The following CENPI variants were observed in gnomAD, a reference collection of about 807,000 sequenced individuals.
The protein encoded by CENPI is centromere protein I, also known as FSH primary response 1.
In CENPI, 4 loss-of-function variants were observed where a neutral mutation model predicts 60.4. That is an observed-to-expected ratio of 0.07 (90% CI 0.03 to 0.15). The LOEUF (loss-of-function observed/expected upper bound fraction) is 0.15, where lower values mean the gene tolerates loss of function less well. Ranked by LOEUF, CENPI falls within the 10% of genes least tolerant of loss-of-function variation. The pLI, the probability that CENPI is intolerant of heterozygous loss-of-function variation, is 1.00. For missense variants in CENPI, 444 were observed against 534.5 expected (o/e 0.83, Z 1.67); for synonymous variants, 157 against 189.4 (o/e 0.83, Z 1.40).
chrX:101,109,875 T>G lies in CENPI; in HGVS notation c.484-16T>G, dbSNP rs192635511. The G allele has an allele frequency of 2.7e-6, 3 of 1,112,394 alleles. No individual in the cohort carries two copies. In the Admixed American group the frequency reaches 6.7e-5, roughly 25 times the overall value. 91.7% of individuals were successfully genotyped at this position (1,112,394 alleles called of 1,213,427 possible). A position where few individuals can be genotyped will look rare whatever the true frequency, so the allele number is the denominator to read the frequency against. ...GTTATATTTCTTTAAAGATAAGTAT[T>G]TTGTCTCTTCAATAGGTACTTTTTT... On this transcript the variant is annotated splice_polypyrimidine_tract_variant and intron_variant, in intron 5 of 21. Transcript: ENST00000682095.
At chrX:101,113,435 G>T (rs1205634146) in intron 6 of CENPI, among the ~76,000 whole-genome samples, 1 of 108,499 alleles carries the variant, frequency 9.2e-6, no homozygotes, top group African/African-American at 3.4e-5. Context: ...TCAAGCCTCA[G>T]CCTCCCAAGT....
chrX:101,154,687 T>C (rs767459783), intron 20 of CENPI, among the ~76,000 whole-genome samples: 1 of 112,209 alleles, frequency 8.9e-6, no homozygotes, highest in East Asian at 2.8e-4. Flanking sequence ...ATATTAAGTC[T>C]TCCAATGCAT....
chrX:101,156,592 C>T (rs898594403), intron 20 of CENPI, among the ~76,000 whole-genome samples: 2 of 109,928 alleles, frequency 1.8e-5, no homozygotes, highest in Non-Finnish European at 3.8e-5. Flanking sequence ...GATTTTGGTG[C>T]ACCCATCACC....
chrX:101,170,405 T>C (rs902059074), downstream of CENPI, among the ~76,000 whole-genome samples: 8 of 111,630 alleles, frequency 7.2e-5, no homozygotes, highest in East Asian at 1.4e-3. Context: ...CGTTCAGAGA[T>C]GCGGGACTAC....
intron 15 of CENPI, among the ~76,000 whole-genome samples, chrX:101,136,496 T>C (rs920678827): frequency 3.6e-5 from 4 of 112,467 alleles, no homozygotes; most frequent in Non-Finnish European, 7.5e-5. Flanking sequence ...TTCTGAGGCC[T>C]GTAGTAACTA....
chrX:101,099,620 A>C (rs1010420268), intron 2 of CENPI, among the ~76,000 whole-genome samples: 1 of 109,013 alleles, frequency 9.2e-6, no homozygotes, highest in African/African-American at 3.3e-5. Flanking sequence ...CTTCCACCAG[A>C]TCTTCACAGG....
intron 20 of CENPI, among the ~76,000 whole-genome samples, chrX:101,151,704 C>T (rs1390054042): frequency 9.2e-6 from 1 of 108,698 alleles, no homozygotes; most frequent in African/African-American, 3.3e-5. Context: ...CGTGGTGGCA[C>T]GTGCCTGTAG....
chrX:101,120,847 T>TG, intron 8 of CENPI, 63 bp downstream of exon 8: 1 of 907,409 alleles, frequency 1.1e-6, no homozygotes. Context: ...AGCCAGGCAT[T>TG]GGGAATACAA....
intron 6 of CENPI, among the ~76,000 whole-genome samples, chrX:101,114,695 A>G (rs1224262913): frequency 5.4e-5 from 6 of 111,608 alleles, no homozygotes; most frequent in African/African-American, 2.0e-4. Flanking sequence ...GCTGGAGTGC[A>G]GTGGTGCAAT....
intron 10 of CENPI, 101 bp downstream of exon 10, chrX:101,127,367 G>T: frequency 1.0e-6 from 1 of 966,806 alleles, no homozygotes; most frequent in African/African-American, 1.9e-5. Flanking sequence ...TTAAGTATAT[G>T]TCAGTTACCC....
At chrX:101,149,510 T>C (rs1055645339) in intron 20 of CENPI, among the ~76,000 whole-genome samples, 14 of 104,371 alleles carry the variant, frequency 1.3e-4, no homozygotes, top group Admixed American at 2.1e-4. Flanking sequence ...GCTTCTTCTT[T>C]TTTTTTTTTT....
rs2089607341 is a variant in CENPI, at chrX:101,115,205, C to A, written c.592-5197C>A. On this transcript the variant is annotated intron_variant, in intron 6 of 21. Transcript: ENST00000682095. ...TCTCAAATCTCTGACCTCAGGTAAT[C>A]CGCCCTCCTTGGCCTCCCAAAGTGT... Among the ~76,000 whole-genome samples, 3 of 109,993 alleles carry A rather than the reference C, an allele frequency of 2.7e-5. No homozygotes were observed. The Admixed American group carries it at 2.9e-4, about 11-fold the overall frequency.
Position 101,127,798 on chromosome X carries a change from G to A in CENPI, c.1074+133G>A, listed in dbSNP as rs774876602. 572 of 469,280 alleles carry A rather than the reference G, an allele frequency of 1.2e-3. 2 individuals are homozygous for A. Among genetic ancestry groups the A allele is most frequent in the Non-Finnish European group, 8.1e-4 (228 of 280,821 alleles). The allele number at this position is 469,280 out of a possible 1,213,427, so 38.7% of individuals were successfully genotyped here. A position where few individuals can be genotyped will look rare whatever the true frequency, so the allele number is the denominator to read the frequency against. On this transcript the variant is annotated intron_variant, in intron 11 of 21. Coordinates refer to ENST00000682095, the MANE Select transcript of CENPI (RefSeq NM_001386188.2). ...TCACCCAGGCAGTGGTGTGATCATG[G>A]CTCACTGCTGCCTTGAACTCCTGGG...
At chrX:101,166,130 CT>C (rs758006285), downstream of CENPI, among the ~76,000 whole-genome samples, 1 of 111,515 alleles carries the variant, frequency 9.0e-6, no homozygotes, top group Non-Finnish European at 1.9e-5. Flanking sequence ...ACCTGGATAC[CT>C]TTTTTTGTGC....
At chrX:101,109,082 T>TG (rs1263567633) in intron 4 of CENPI, among the ~76,000 whole-genome samples, 2 of 93,251 alleles carry the variant, frequency 2.1e-5, no homozygotes, top group Non-Finnish European at 2.2e-5. Context: ...GGTGTTTTTT[T>TG]TTTTTTTTTT....
rs763221535 is a variant in CENPI at position 101,164,134 on chromosome X, C to T, written c.*1167C>T. Among the ~76,000 whole-genome samples the T allele has an allele frequency of 2.3e-4, 26 of 111,178 alleles. No individual in the cohort carries two copies. Among genetic ancestry groups the T allele is most frequent in the African/African-American group, 7.8e-4 (24 of 30,677 alleles). On this transcript the variant is annotated 3_prime_UTR_variant, in exon 22 of 22. Coordinates refer to ENST00000682095, the MANE Select transcript of CENPI (RefSeq NM_001386188.2). ...TAATTTTTGTCTTTAAGGATGCATA[C>T]TTGGGGTTCTTTTTTTTCCCCATTT...
At chrX:101,124,647 A>G (rs1406340665) in intron 8 of CENPI, among the ~76,000 whole-genome samples, 1 of 111,103 alleles carries the variant, frequency 9.0e-6, no homozygotes, top group East Asian at 2.8e-4. Context: ...TAGTTGAATC[A>G]TGGGGGCGGT....
chrX:101,156,556 G>A (rs747872054), intron 20 of CENPI, among the ~76,000 whole-genome samples: 13 of 110,490 alleles, frequency 1.2e-4, no homozygotes, highest in Non-Finnish European at 3.8e-5. Context: ...GGTTACATGA[G>A]TAAGTTCTTT....
chrX:101,137,245 C>G (rs760764991), intron 15 of CENPI, among the ~76,000 whole-genome samples: 1 of 112,090 alleles, frequency 8.9e-6, no homozygotes, highest in African/African-American at 3.2e-5. Flanking sequence ...TTTCTTTTGT[C>G]GGAATAGATA....
Sources: gnomAD v4.1 joint callset for allele counts (sites outside exome capture counted in the v4.1 genomes callset) on GRCh38, gnomAD v4.1.1 for gene constraint, MANE v1.5 for transcripts, NCBI Gene and HGNC (gene_info 2026-07-23, HGNC 2026-07-21) for gene names.